Variants in SNTG1 observed in about 807,000 individuals in gnomAD.
The protein encoded by SNTG1 is gamma-1-syntrophin.
SNTG1 carries 39 observed loss-of-function variants against 74.7 expected under a neutral mutation model. The observed-to-expected ratio is 0.52, with a 90% confidence interval of 0.40 to 0.68. SNTG1 has a LOEUF of 0.68. Ranked by LOEUF, SNTG1 falls within the 30% of genes least tolerant of loss-of-function variation. The pLI is 0.00. For synonymous variants in SNTG1, 254 were observed against 217.1 expected (o/e 1.17, Z -1.49); for missense variants, 685 against 609.5 (o/e 1.12, Z -1.30).
At chr8:50,696,586 T>G (rs1235795224) in intron 15 of SNTG1, among the ~76,000 whole-genome samples, 1 of 152,116 alleles carries the variant, frequency 6.6e-6, no homozygotes. Context: ...TCTTATGGTC[T>G]TTAATTCATC....
intron 2 of SNTG1, among the ~76,000 whole-genome samples, chr8:50,258,975 GA>G (rs1477136858): frequency 6.6e-6 from 1 of 152,034 alleles, no homozygotes; most frequent in African/African-American, 2.4e-5. Context: ...CAGGAAAAAT[GA>G]AAAGAGACCT....
chr8:50,207,279 C>T (rs929293041), intron 2 of SNTG1, among the ~76,000 whole-genome samples: 1 of 152,112 alleles, frequency 6.6e-6, no homozygotes, highest in Admixed American at 6.6e-5. Context: ...TCAACTTCTT[C>T]CTGGTTTAGT....
intron 8 of SNTG1, among the ~76,000 whole-genome samples, chr8:50,456,045 G>T (rs1273212854): frequency 6.6e-6 from 1 of 152,198 alleles, no homozygotes; most frequent in Non-Finnish European, 1.5e-5. Flanking sequence ...GGCCAGAAAT[G>T]CTGTCTACAC....
At chr8:50,102,759 G>C (rs2080191200) in intron 1 of SNTG1, among the ~76,000 whole-genome samples, 1 of 150,980 alleles carries the variant, frequency 6.6e-6, no homozygotes, top group African/African-American at 2.5e-5. Flanking sequence ...AAGGGATCCA[G>C]TTTCAGCTTT....
intron 1 of SNTG1, among the ~76,000 whole-genome samples, chr8:50,046,357 C>G (rs1586036974): frequency 6.6e-6 from 1 of 152,126 alleles, no homozygotes; most frequent in South Asian, 2.1e-4. Context: ...TCATTCTCAT[C>G]CCCACACTCC....
chr8:50,533,279 A>C (rs938527776), intron 10 of SNTG1, among the ~76,000 whole-genome samples: 9 of 152,188 alleles, frequency 5.9e-5, no homozygotes, highest in African/African-American at 1.7e-4. Context: ...CCTTTAATTA[A>C]TACATCCTAT....
chr8:50,006,386 A>G (rs1563460723), intron 1 of SNTG1, among the ~76,000 whole-genome samples: 3 of 152,176 alleles, frequency 2.0e-5, no homozygotes. Flanking sequence ...TTCTTGTCAG[A>G]TAATTGTAAT....
chr8:50,680,824 T>A (rs2095328026), intron 15 of SNTG1, among the ~76,000 whole-genome samples: 1 of 152,104 alleles, frequency 6.6e-6, no homozygotes, highest in Non-Finnish European at 1.5e-5. Flanking sequence ...TCCAACCAGC[T>A]TAAAGACTTG....
chr8:50,593,717 C>CT (rs1183759564), intron 13 of SNTG1, among the ~76,000 whole-genome samples: 8,271 of 136,022 alleles, frequency 0.061, 300 homozygotes, highest in South Asian at 0.095. Context: ...TGATTTGGTT[C>CT]TTTTTTTTTT....
intron 1 of SNTG1, among the ~76,000 whole-genome samples, chr8:50,051,413 A>G (rs1006570815): frequency 2.6e-5 from 4 of 152,170 alleles, no homozygotes; most frequent in Admixed American, 6.6e-5. Context: ...ACAGCAGCAT[A>G]AAAATAATAA....
At chr8:50,102,558 G>C (rs2131243017) in intron 1 of SNTG1, among the ~76,000 whole-genome samples, 1 of 145,046 alleles carries the variant, frequency 6.9e-6, no homozygotes, top group Non-Finnish European at 1.5e-5. Context: ...AAGCTCTTTA[G>C]TTTAATTAGA....
At chr8:49,938,567 C>CTTTTGTTTTCTTTTCTTTTCTTTTG (rs1267072415) in intron 1 of SNTG1, among the ~76,000 whole-genome samples, 2 of 28,886 alleles carry the variant, frequency 6.9e-5, no homozygotes, top group African/African-American at 2.0e-4. Context: ...GTTTTCTTTT[C>CTTTTGTTTTCTTTTCTTTTCTTTTG]TTTTCTTTTC....
At chr8:50,765,710 C>T (rs1400338107) in intron 18 of SNTG1, among the ~76,000 whole-genome samples, 1 of 151,826 alleles carries the variant, frequency 6.6e-6, no homozygotes, top group Admixed American at 6.6e-5. Flanking sequence ...TTGATAACCC[C>T]AATGAATAGT....
Position 49,920,865 on chromosome 8 carries a change from T to C in SNTG1, c.-103+8634T>C, listed in dbSNP as rs573179950. On this transcript the variant is annotated intron_variant, in intron 1 of 18. Transcript: ENST00000642720. ...AGCCTATTAAAACTAAATGACTAGA[T>C]GTTAGTGATGCCGCTATCAAATAAA... Among the ~76,000 whole-genome samples, 6 of 152,254 alleles carry C rather than the reference T, an allele frequency of 3.9e-5. No homozygotes were observed. In the East Asian group the frequency reaches 1.2e-3, roughly 29 times the overall value.
At position 50,104,148 on chromosome 8, in the gene SNTG1, C is replaced by T. The variant is rs2080267887; in HGVS notation, c.-102-68413C>T. Among the ~76,000 whole-genome samples, 4 of 152,282 alleles carry T rather than the reference C, an allele frequency of 2.6e-5. No homozygotes were observed. The South Asian group carries it at 6.2e-4, about 24-fold the overall frequency. On this transcript the variant is annotated intron_variant, in intron 1 of 18. Coordinates refer to ENST00000642720, the MANE Select transcript of SNTG1 (RefSeq NM_018967.5). ...TTCAGAAGGAATGGTACCAGTTCCTCCTTGTACCTCTGGTAGAATTCAGCT... is the reference window on the plus strand; with the variant it reads ...TTCAGAAGGAATGGTACCAGTTCCTTCTTGTACCTCTGGTAGAATTCAGCT...
At chr8:50,135,289 C>T (rs1047458687) in intron 1 of SNTG1, among the ~76,000 whole-genome samples, 1 of 152,072 alleles carries the variant, frequency 6.6e-6, no homozygotes, top group South Asian at 2.1e-4. Context: ...AAATCAAAAT[C>T]CTGAACATTC....
At chr8:50,554,537 C>T (rs546941462) in intron 12 of SNTG1, among the ~76,000 whole-genome samples, 1 of 150,708 alleles carries the variant, frequency 6.6e-6, no homozygotes, top group Non-Finnish European at 1.5e-5. Flanking sequence ...CTTACCCAGG[C>T]TCATCCCTCA....
In SNTG1 at chr8:50,630,376, T is replaced by C. The variant is rs142809320; in HGVS notation, c.850-26533T>C. 2.7e-3 allele frequency among the ~76,000 whole-genome samples: 412 copies of C among 152,268 alleles called. 1 individual carries two copies. Among genetic ancestry groups the C allele is most frequent in the African/African-American group, 9.2e-3 (384 of 41,562 alleles). On this transcript the variant is annotated intron_variant, in intron 13 of 18. Coordinates refer to ENST00000642720, the MANE Select transcript of SNTG1 (RefSeq NM_018967.5). ...AGCTCTTAAATCCTAATAAATGCCATGTGTGATAAAGGCAGCCTAATAATT... is the reference window on the plus strand; with the variant it reads ...AGCTCTTAAATCCTAATAAATGCCACGTGTGATAAAGGCAGCCTAATAATT...
At chr8:50,118,505 TATAAGGAA>T (rs1419278673) in intron 1 of SNTG1, among the ~76,000 whole-genome samples, 10 of 152,142 alleles carry the variant, frequency 6.6e-5, no homozygotes, top group African/African-American at 2.4e-4. Context: ...CTACTTTACA[TATAAGGAA>T]ATAGAAGCAA....
Sources: gnomAD v4.1 joint callset for allele counts (sites outside exome capture counted in the v4.1 genomes callset) on GRCh38, gnomAD v4.1.1 for gene constraint, MANE v1.5 for transcripts, NCBI Gene and HGNC (gene_info 2026-07-23, HGNC 2026-07-21) for gene names.